INSL6: variants seen among roughly 807,000 people sequenced by gnomAD.
INSL6 encodes the protein insulin-like peptide INSL6.
Under a neutral mutation model 9.4 loss-of-function variants are expected in INSL6, and 16 were observed. The ratio of observed to expected loss-of-function variants is 1.70; its 90% CI spans 1.15 to 2.59. INSL6 has a LOEUF of 2.59. Among genes scored for constraint, INSL6 ranks in the 30% most tolerant of loss-of-function variants. INSL6 has a pLI of 0.00. For missense variants in INSL6, 391 were observed against 257.3 expected (o/e 1.52, Z -3.56); for synonymous variants, 154 against 96.9 (o/e 1.59, Z -3.46).
At chr9:5,036,065 C>G in the INSL6 span, among the ~76,000 whole-genome samples, 2 of 152,208 alleles carry the variant, frequency 1.3e-5, no homozygotes, top group Non-Finnish European at 2.9e-5. Flanking sequence ...GCAAAAATCA[C>G]AAGCGTTCTT....
intron 1 of INSL6, among the ~76,000 whole-genome samples, chr9:5,166,551 A>G (rs964685194): frequency 6.6e-6 from 1 of 152,226 alleles, no homozygotes; most frequent in African/African-American, 2.4e-5. Flanking sequence ...ATGCTTACAC[A>G]TTTAAAAATA....
chr9:5,094,089 T>C, the INSL6 span: 3 of 152,308 alleles, frequency 2.0e-5, no homozygotes, highest in African/African-American at 7.2e-5. Flanking sequence ...TCAACTCCCC[T>C]TCTTAACAAT....
At chr9:5,074,259 C>T in the INSL6 span, among the ~76,000 whole-genome samples, 1 of 151,938 alleles carries the variant, frequency 6.6e-6, no homozygotes, top group Admixed American at 6.6e-5. Context: ...AAGTATAAAT[C>T]GTACCCCATG....
chr9:5,019,747 G>A, the INSL6 span, among the ~76,000 whole-genome samples: 7 of 152,138 alleles, frequency 4.6e-5, no homozygotes, highest in Non-Finnish European at 1.0e-4. Context: ...GGCACTTTGG[G>A]TTTGAATCTG....
intron 2 of INSL6, among the ~76,000 whole-genome samples, chr9:5,153,306 G>T (rs1285033077): frequency 2.0e-5 from 3 of 152,146 alleles, no homozygotes; most frequent in Non-Finnish European, 4.4e-5. Flanking sequence ...AAATTCTCGT[G>T]CCAGCACAGC....
the INSL6 span, chr9:5,054,951 T>C: frequency 8.3e-7 from 1 of 1,207,504 alleles, no homozygotes; most frequent in Non-Finnish European, 1.2e-6. The surrounding 1 kb of genome is among the most constrained non-coding windows in gnomAD (Gnocchi z 4.9). Flanking sequence ...AACAAAGTAA[T>C]TTTAATCATT....
the INSL6 span, chr9:5,054,691 G>C: frequency 5.6e-6 from 9 of 1,613,290 alleles, no homozygotes; most frequent in African/African-American, 1.1e-4. This position sits in a 1 kb window ranked among gnomAD's most constrained non-coding sequence, Gnocchi z 4.9. Flanking sequence ...GCCACTGCCA[G>C]AAACTTGAAA....
the INSL6 span, among the ~76,000 whole-genome samples, chr9:5,083,718 A>G: frequency 3.9e-5 from 6 of 152,318 alleles, no homozygotes; most frequent in African/African-American, 1.2e-4. Context: ...GAATACATCA[A>G]AAGATCACTA....
chr9:5,123,095 A>C (rs1007272721), downstream of INSL6: 2 of 1,607,648 alleles, frequency 1.2e-6, no homozygotes, highest in Non-Finnish European at 1.7e-6. Flanking sequence ...TTTCACATAC[A>C]TTGAGAAGAG....
At chr9:5,106,750 G>A in the INSL6 span, among the ~76,000 whole-genome samples, 1 of 152,094 alleles carries the variant, frequency 6.6e-6, no homozygotes, top group East Asian at 1.9e-4. Context: ...TCCTTTGCAG[G>A]GACATGGATG....
the INSL6 span, among the ~76,000 whole-genome samples, chr9:4,999,220 T>G: frequency 6.6e-6 from 1 of 152,222 alleles, no homozygotes; most frequent in Admixed American, 6.5e-5. Flanking sequence ...CCCTTAAATG[T>G]ATGGCTGTTC....
chr9:5,123,149 T>A (rs1010569528), downstream of INSL6: 7 of 1,454,036 alleles, frequency 4.8e-6, no homozygotes, highest in Non-Finnish European at 6.6e-6. Context: ...TTACTTTCAG[T>A]TTTTTGTTTG....
the INSL6 span, among the ~76,000 whole-genome samples, chr9:4,997,702 T>C: frequency 4.6e-4 from 70 of 152,294 alleles, 1 homozygote; most frequent in Middle Eastern, 3.4e-3. Flanking sequence ...AATATATTGG[T>C]TTTATAAAGG....
At chr9:5,024,041 G>A in the INSL6 span, among the ~76,000 whole-genome samples, 1 of 152,162 alleles carries the variant, frequency 6.6e-6, no homozygotes, top group Admixed American at 6.5e-5. Context: ...CAGATCACAA[G>A]ATCAGGAGAT....
At chr9:5,103,220 G>GAAAAA in the INSL6 span, among the ~76,000 whole-genome samples, 2 of 6,906 alleles carry the variant, frequency 2.9e-4, no homozygotes, top group African/African-American at 8.0e-4. Flanking sequence ...CAAAGGGAAA[G>GAAAAA]CAAAAAAAAA....
At chr9:5,042,551 A>G in the INSL6 span, among the ~76,000 whole-genome samples, 10 of 151,738 alleles carry the variant, frequency 6.6e-5, no homozygotes, top group African/African-American at 1.9e-4. Context: ...CCACCCCTCC[A>G]TTACTTTGCT....
intron 1 of INSL6, among the ~76,000 whole-genome samples, chr9:5,180,077 A>T (rs777070398): frequency 1.2e-4 from 18 of 152,356 alleles, no homozygotes; most frequent in East Asian, 1.9e-4. Flanking sequence ...AGGGACCCTG[A>T]ACGGAGGGAC....
At chr9:5,032,168 G>C in the INSL6 span, among the ~76,000 whole-genome samples, 1 of 152,226 alleles carries the variant, frequency 6.6e-6, no homozygotes, top group Non-Finnish European at 1.5e-5. Context: ...AGCAGTCTGA[G>C]ATCAAACTGC....
chr9:5,038,360 A>G, the INSL6 span, among the ~76,000 whole-genome samples: 1 of 152,174 alleles, frequency 6.6e-6, no homozygotes, highest in East Asian at 1.9e-4. Context: ...CACATTAAAA[A>G]AATTATTACT....
Sources: allele counts gnomAD v4.1 joint callset (sites outside exome capture counted in the v4.1 genomes callset), GRCh38; gene constraint gnomAD v4.1.1; non-coding constraint Gnocchi (gnomAD v3.1); transcripts MANE v1.5; gene names NCBI Gene and HGNC (gene_info 2026-07-23, HGNC 2026-07-21).